NFASC: variants seen among roughly 807,000 people sequenced by gnomAD.
NFASC encodes neurofascin.
A neutral mutation model predicts 147.5 loss-of-function variants in NFASC; 43 were observed. That is an observed-to-expected ratio of 0.29 (90% confidence interval 0.23 to 0.38). The LOEUF (loss-of-function observed/expected upper bound fraction) is 0.38, where lower values mean the gene tolerates loss of function less well. Ranked by LOEUF, NFASC falls within the 10% of genes least tolerant of loss-of-function variation. The pLI is 1.00. For synonymous variants in NFASC, 622 were observed against 665.5 expected (o/e 0.93, Z 1.01); for missense variants, 1,320 against 1,689.0 (o/e 0.78, Z 3.83).
In NFASC at chr1:204,968,494, T is replaced by C; in HGVS notation, c.818+134T>C. The C allele has an allele frequency of 1.5e-6, 1 of 677,108 alleles. No individual in the cohort carries two copies. Among genetic ancestry groups the C allele is most frequent in the South Asian group, 1.8e-5 (1 of 55,186 alleles). The allele number at this position is 677,108 out of a possible 1,614,324, so 41.9% of individuals were successfully genotyped here. A position where few individuals can be genotyped will look rare whatever the true frequency, so the allele number is the denominator to read the frequency against. ...AAAAAGAGAAGCAAACAGCCTCTAGTGAGCAGGGTGTTGCAAACCATAGTC... is the reference window on the plus strand; with the variant it reads ...AAAAAGAGAAGCAAACAGCCTCTAGCGAGCAGGGTGTTGCAAACCATAGTC... On this transcript the variant is annotated intron_variant, in intron 9 of 29. Coordinates refer to ENST00000339876, the MANE Select transcript of NFASC (RefSeq NM_001005388.3). The surrounding 1 kb of genome is among the most constrained non-coding windows in gnomAD (Gnocchi z 5.4).
chr1:204,839,404 C>G (rs1674653238), intron 1 of NFASC, among the ~76,000 whole-genome samples: 1 of 125,922 alleles, frequency 7.9e-6, no homozygotes. Flanking sequence ...CACACACACA[C>G]ACACACACAC....
At chr1:205,001,713 C>T (rs1379204609) in intron 26 of NFASC, among the ~76,000 whole-genome samples, 8 of 152,190 alleles carry the variant, frequency 5.3e-5, no homozygotes, top group East Asian at 1.9e-4. Flanking sequence ...GGAATGCCAG[C>T]GGCCCCCAGT....
At chr1:204,991,257 CTCTG>C (rs1558396050) in intron 23 of NFASC, 31 bp from the exon 24 acceptor site, 17 of 1,610,786 alleles carry the variant, frequency 1.1e-5, no homozygotes, top group Non-Finnish European at 1.4e-5. Flanking sequence ...TCCTTTCTCC[CTCTG>C]TCTGGCCATC....
At chr1:204,890,463 T>C (rs1453698540) in intron 1 of NFASC, among the ~76,000 whole-genome samples, 1 of 152,136 alleles carries the variant, frequency 6.6e-6, no homozygotes, top group African/African-American at 2.4e-5. Context: ...TTGAACTTGG[T>C]ATGAAGAAAA....
At chr1:204,990,844 C>T (rs1001155461) in intron 23 of NFASC, among the ~76,000 whole-genome samples, 7 of 152,214 alleles carry the variant, frequency 4.6e-5, no homozygotes, top group African/African-American at 1.7e-4. Flanking sequence ...TGTCCTCCCA[C>T]ACCACCTACT....
chr1:204,971,743 A>G (rs2095263559), intron 11 of NFASC, among the ~76,000 whole-genome samples: 1 of 152,186 alleles, frequency 6.6e-6, no homozygotes, highest in African/African-American at 2.4e-5. Flanking sequence ...AGTCTGCAAT[A>G]CAACTGCACC....
chr1:204,831,744 G>T (rs369218993), intron 1 of NFASC, among the ~76,000 whole-genome samples: 3 of 151,992 alleles, frequency 2.0e-5, no homozygotes, highest in Admixed American at 2.0e-4. Context: ...TGAGAGGAAC[G>T]TAAGGCCGGT....
At chr1:204,898,100 C>T (rs1285140535) in intron 1 of NFASC, among the ~76,000 whole-genome samples, 1 of 152,212 alleles carries the variant, frequency 6.6e-6, no homozygotes, top group Non-Finnish European at 1.5e-5. Context: ...CCAGACTGGT[C>T]TTGAACTCTT....
chr1:204,959,894 G>T (rs1246994884), intron 8 of NFASC, among the ~76,000 whole-genome samples: 1 of 152,196 alleles, frequency 6.6e-6, no homozygotes, highest in African/African-American at 2.4e-5. Flanking sequence ...TCATTTCTAG[G>T]TCCTCTATTC....
chr1:204,877,004 A>G (rs1358184958), intron 1 of NFASC, among the ~76,000 whole-genome samples: 9 of 102,848 alleles, frequency 8.8e-5, no homozygotes, highest in South Asian at 5.4e-4. Flanking sequence ...ATGTATATAT[A>G]TATATATATA....
At chr1:204,927,160 C>T (rs1019725459) in intron 2 of NFASC, among the ~76,000 whole-genome samples, 1 of 152,122 alleles carries the variant, frequency 6.6e-6, no homozygotes, top group Non-Finnish European at 1.5e-5. Context: ...CAGCCATCAT[C>T]ACAATGGATT....
chr1:204,980,523 A>G, intron 20 of NFASC, 83 bp downstream of exon 20: 7 of 1,014,156 alleles, frequency 6.9e-6, no homozygotes, highest in South Asian at 5.5e-5. Flanking sequence ...CCCCGACACT[A>G]CGAGGCCATG....
At chr1:205,007,933 G>C (rs913024460) in intron 27 of NFASC, among the ~76,000 whole-genome samples, 1 of 152,192 alleles carries the variant, frequency 6.6e-6, no homozygotes, top group South Asian at 2.1e-4. Flanking sequence ...CTCTGACACT[G>C]TGGCGGGGGC....
chr1:204,939,448 T>G (rs1347922424), intron 2 of NFASC, among the ~76,000 whole-genome samples: 2 of 152,188 alleles, frequency 1.3e-5, no homozygotes, highest in Non-Finnish European at 2.9e-5. Flanking sequence ...CCTGTGGAAC[T>G]AAACAGAAAA....
chr1:204,888,990 G>T (rs935590174), intron 1 of NFASC, among the ~76,000 whole-genome samples: 8 of 152,148 alleles, frequency 5.3e-5, no homozygotes, highest in Non-Finnish European at 1.0e-4. Flanking sequence ...TCTTCCTTGG[G>T]GTTCACCCTG....
chr1:204,947,017 C>A, intron 3 of NFASC: 1 of 350,040 alleles, frequency 2.9e-6, no homozygotes, highest in Non-Finnish European at 5.7e-6. Context: ...ACTGGAAGTA[C>A]CAGGCAGTGA....
intron 1 of NFASC, among the ~76,000 whole-genome samples, chr1:204,850,559 C>T (rs549676886): frequency 2.0e-5 from 3 of 152,296 alleles, no homozygotes; most frequent in East Asian, 1.9e-4. Context: ...TGGGCACAGA[C>T]GTCCCCCTTG....
chr1:204,901,750 C>A (rs2149200211), intron 1 of NFASC, among the ~76,000 whole-genome samples: 1 of 152,152 alleles, frequency 6.6e-6, no homozygotes, highest in South Asian at 2.1e-4. Flanking sequence ...TGTTTGTAAG[C>A]TTCTAGGAAA....
chr1:204,833,178 G>A (rs752127553), intron 1 of NFASC, among the ~76,000 whole-genome samples: 7 of 152,212 alleles, frequency 4.6e-5, no homozygotes, highest in Admixed American at 2.6e-4. Context: ...TAAAAGTGGC[G>A]TAATAACAAT....
Sources: allele counts gnomAD v4.1 joint callset (sites outside exome capture counted in the v4.1 genomes callset), GRCh38; gene constraint gnomAD v4.1.1; non-coding constraint Gnocchi (gnomAD v3.1); transcripts MANE v1.5; gene names NCBI Gene and HGNC (gene_info 2026-07-23, HGNC 2026-07-21).